PARP1: variants seen among roughly 807,000 people sequenced by gnomAD.
PARP1 encodes the protein poly(ADP-ribose) polymerase 1.
Under a neutral mutation model 118.7 loss-of-function variants are expected in PARP1, and 44 were observed. That is an observed-to-expected ratio of 0.37 (90% CI 0.29 to 0.48). PARP1 has a LOEUF of 0.48. Ranked by LOEUF, PARP1 falls within the 20% of genes least tolerant of loss-of-function variation. The pLI, the probability that PARP1 is intolerant of heterozygous loss-of-function variation, is 0.99. For missense variants in PARP1, 1,100 were observed against 1,272.4 expected (o/e 0.86, Z 2.06); for synonymous variants, 492 against 483.2 (o/e 1.02, Z -0.24).
At chr1:226,392,426 C>T (rs561899425) in intron 2 of PARP1, 112 bp from the exon 3 acceptor site, 23 of 782,994 alleles carry the variant, frequency 2.9e-5, no homozygotes, top group African/African-American at 2.7e-4. Context: ...CACCTTATGC[C>T]TTGGGAGACT....
intron 2 of PARP1, among the ~76,000 whole-genome samples, chr1:226,397,131 C>T (rs142409440): frequency 7.5e-5 from 10 of 133,752 alleles, no homozygotes; most frequent in Non-Finnish European, 1.1e-4. Context: ...TTGGGCAACA[C>T]AGTGAGACTC....
Position 226,368,285 on chromosome 1 carries a change from C to A in PARP1, c.2191G>T (p.Asp731Tyr). 6.2e-7 allele frequency: 1 copy of A among 1,614,190 alleles called. No individual in the cohort carries two copies. Among genetic ancestry groups the A allele is most frequent in the South Asian group, 1.1e-5 (1 of 91,084 alleles). ...AGGGTGTAAAAGCGATTTGAGAGAT[C>A]CAGGATCTGAGAGTCGCTGCTGCCC... ...SQGSSDSQIL[D>Y]LSNRFYTLIP... Residue 731 changes from aspartate (D) to tyrosine (Y), a missense_variant, in exon 16 of 23, where the codon GAT (aspartate) becomes TAT (tyrosine). By Grantham distance (160) the Asp-to-Tyr change is radical. Transcript: ENST00000366794.
At chr1:226,393,866 A>G (rs1664864985) in intron 2 of PARP1, among the ~76,000 whole-genome samples, 1 of 152,252 alleles carries the variant, frequency 6.6e-6, no homozygotes, top group South Asian at 2.1e-4. Flanking sequence ...AATATTCCAG[A>G]TATAATACCA....
At chr1:226,379,057 G>A (rs1452413395) in intron 12 of PARP1, 85 bp downstream of exon 12, 10 of 1,548,696 alleles carry the variant, frequency 6.5e-6, no homozygotes, top group African/African-American at 1.4e-5. Flanking sequence ...GGCCTAACGG[G>A]TTTCACAAGG....
chr1:226,366,199 G>C, intron 17 of PARP1, 147 bp from the exon 18 acceptor site: 1 of 680,722 alleles, frequency 1.5e-6, no homozygotes, highest in Admixed American at 2.1e-5. Context: ...CCAGGCCTGT[G>C]GGCTGGGCAG....
intron 2 of PARP1, among the ~76,000 whole-genome samples, chr1:226,401,399 A>G (rs987631303): frequency 3.3e-5 from 5 of 152,260 alleles, no homozygotes; most frequent in Non-Finnish European, 7.3e-5. Context: ...TTCTGAAGTC[A>G]TATTTACACC....
intron 13 of PARP1, among the ~76,000 whole-genome samples, chr1:226,376,677 A>G (rs1475238282): frequency 6.6e-6 from 1 of 152,240 alleles, no homozygotes; most frequent in African/African-American, 2.4e-5. Flanking sequence ...TACTGAGATG[A>G]TCATGTGGTT....
At chr1:226,388,521 T>C (rs1409062641) in intron 5 of PARP1, 135 bp downstream of exon 5, 2 of 702,450 alleles carry the variant, frequency 2.8e-6, no homozygotes, top group South Asian at 1.5e-5. Context: ...GGAAAAGCCA[T>C]GCTATTTAAT....
At chr1:226,394,039 C>T (rs1052722903) in intron 2 of PARP1, among the ~76,000 whole-genome samples, 1 of 152,288 alleles carries the variant, frequency 6.6e-6, no homozygotes, top group Admixed American at 6.5e-5. Flanking sequence ...GTATCTTTTA[C>T]ATTTCCTTAA....
At position 226,365,084 on chromosome 1, in the gene PARP1, A is replaced by C. The variant is rs559223809; in HGVS notation, c.2576T>G (p.Leu859Trp). ...GGTGGTCCTGGACCCGTGCCACAGCAATCTTCGGTTATGAAGCTGCTTAAA... is the reference window on the plus strand; with the variant it reads ...GGTGGTCCTGGACCCGTGCCACAGCCATCTTCGGTTATGAAGCTGCTTAAA... Reference protein sequence around the residue: ...KPFKQLHNRRLLWHGSRTTNF... With the variant: ...KPFKQLHNRRWLWHGSRTTNF... Residue 859 changes from leucine to tryptophan, a missense_variant, in exon 19 of 23, where the codon TTG becomes TGG. By Grantham distance (61) the Leu-to-Trp change is moderately conservative (BLOSUM62 -2). Around this residue, in one of 2 missense-constraint regions of PARP1, gnomAD observed 152 missense variants for 240.6 expected, o/e 0.63. Coordinates refer to ENST00000366794, the MANE Select transcript of PARP1 (RefSeq NM_001618.4). 1.2e-6 allele frequency: 2 copies of C among 1,614,256 alleles called. No homozygotes were observed. The highest frequency in any genetic ancestry group is 2.7e-5 in the African/African-American group (2 of 75,072).
intron 11 of PARP1, 66 bp from the exon 12 acceptor site, chr1:226,379,340 G>C: frequency 6.3e-7 from 1 of 1,598,306 alleles, no homozygotes; most frequent in South Asian, 1.1e-5. Context: ...TCACGGAGAA[G>C]GGATCTGCAG....
chr1:226,389,014 G>A (rs566303560), intron 4 of PARP1, among the ~76,000 whole-genome samples: 1 of 151,956 alleles, frequency 6.6e-6, no homozygotes, highest in African/African-American at 2.4e-5. Context: ...GGCTAGGGTT[G>A]TTCCAGGGAC....
Position 226,397,859 on chromosome 1 carries a change from A to G in PARP1, c.286+4355T>C, listed in dbSNP as rs12075627. On this transcript the variant is annotated intron_variant, in intron 2 of 22. Transcript: ENST00000366794. ...ACAGGGAGCCCAGAAACAGAGCCAC[A>G]CAAGCACAGTCCACTGATCTTTGAC... Among the ~76,000 whole-genome samples, 392 of 152,274 alleles carry G rather than the reference A, an allele frequency of 2.6e-3. 14 individuals carry two copies. The East Asian group carries it at 0.062, about 24-fold the overall frequency.
intron 1 of PARP1, among the ~76,000 whole-genome samples, chr1:226,403,295 C>T (rs1217187423): frequency 2.6e-5 from 4 of 152,228 alleles, no homozygotes; most frequent in East Asian, 1.9e-4. Context: ...TCTCCTGCCT[C>T]GGCCTCCTGA....
At chr1:226,405,749 C>T (rs1323806440) in intron 1 of PARP1, among the ~76,000 whole-genome samples, 1 of 152,188 alleles carries the variant, frequency 6.6e-6, no homozygotes, top group Non-Finnish European at 1.5e-5. Flanking sequence ...CACCAGAACA[C>T]GGTACTCTGC....
intron 12 of PARP1, 144 bp from the exon 13 acceptor site, chr1:226,377,447 C>T: frequency 1.5e-6 from 1 of 681,800 alleles, no homozygotes; most frequent in Non-Finnish European, 2.7e-6. Flanking sequence ...ACAAACACAA[C>T]TGCTATAACA....
intron 8 of PARP1, 74 bp downstream of exon 8, chr1:226,382,962 T>A: frequency 6.6e-7 from 1 of 1,521,802 alleles, no homozygotes; most frequent in Non-Finnish European, 9.1e-7. Context: ...CTTCACCAGC[T>A]CCACACCACC....
chr1:226,406,002 A>G (rs1665139047), intron 1 of PARP1, among the ~76,000 whole-genome samples: 1 of 152,210 alleles, frequency 6.6e-6, no homozygotes, highest in Non-Finnish European at 1.5e-5. Flanking sequence ...GATAATTATC[A>G]AAACATTTGA....
At chr1:226,370,256 G>GT (rs1664353337) in intron 15 of PARP1, among the ~76,000 whole-genome samples, 178 bp downstream of exon 15, 2 of 152,144 alleles carry the variant, frequency 1.3e-5, no homozygotes, top group South Asian at 2.1e-4. Flanking sequence ...ATAAACTTTT[G>GT]TAAGTAGCAG....
Sources: gnomAD v4.1 joint callset for allele counts (sites outside exome capture counted in the v4.1 genomes callset) on GRCh38, gnomAD v4.1.1 for gene constraint, gnomAD v4.1.1 regional missense constraint, MANE v1.5 for transcripts, NCBI Gene and HGNC (gene_info 2026-07-23, HGNC 2026-07-21) for gene names.